The following NOX5 variants were observed in gnomAD, a reference collection of about 807,000 sequenced individuals.
NOX5 encodes the protein NADPH oxidase, EF-hand calcium binding domain 5.
NOX5 carries 76 observed loss-of-function variants against 85.7 expected under a neutral mutation model. The observed-to-expected ratio is 0.89, with a 90% CI of 0.74 to 1.07. The LOEUF (loss-of-function observed/expected upper bound fraction) is 1.07. Ranked by LOEUF, NOX5 falls within the 50% of genes least tolerant of loss-of-function variation. The pLI is 0.00. For synonymous variants in NOX5, 405 were observed against 401.4 expected (o/e 1.01, Z -0.11); for missense variants, 973 against 999.5 (o/e 0.97, Z 0.36).
chr15:69,034,226 T>G (rs1345422340), intron 5 of NOX5, among the ~76,000 whole-genome samples: 1 of 152,156 alleles, frequency 6.6e-6, no homozygotes. Flanking sequence ...TTATTATTTT[T>G]AATTATTAAT....
chr15:69,020,219 C>T (rs1292716721), intron 1 of NOX5, among the ~76,000 whole-genome samples: 1 of 152,188 alleles, frequency 6.6e-6, no homozygotes, highest in African/African-American at 2.4e-5. Flanking sequence ...ACCATTCCAT[C>T]ATGCTTATTG....
rs886761764 is a variant in NOX5 at position 69,051,013 on chromosome 15, G to GA, written c.1999+1958dup. Among the ~76,000 whole-genome samples the GA allele has an allele frequency of 4.1e-4, 63 of 152,322 alleles. 1 individual carries two copies. Among genetic ancestry groups the GA allele is most frequent in the Admixed American group, 4.1e-3 (63 of 15,304 alleles). ...TTAATGCTCAGCCAGAGACTTAGGA[G>GA]AAACTATGCAGATTTTCAGAGCAAG... is the stretch of plus-strand genomic sequence containing the variant. On this transcript the variant is annotated intron_variant, in intron 14 of 15. Coordinates refer to ENST00000388866, the MANE Select transcript of NOX5 (RefSeq NM_024505.4).
chr15:69,033,089 C>CG lies in NOX5; in HGVS notation c.669dup (p.Pro224AlafsTer173). 6.4e-7 allele frequency: 1 copy of CG among 1,556,876 alleles called. No individual in the cohort carries two copies. Among genetic ancestry groups the CG allele is most frequent in the Non-Finnish European group, 8.6e-7 (1 of 1,159,760 alleles). ...CCCCGCCCCCCGCCCACGCCCGCGC[C>CG]GGCCGCGCCAGCTGACCCGCGCCTA... On this transcript the variant is annotated frameshift_variant, in exon 5 of 16. Transcript: ENST00000388866. LOFTEE classifies it high-confidence loss of function.
intron 14 of NOX5, 39 bp from the exon 15 acceptor site, chr15:69,055,295 A>G (rs1190885938): frequency 6.2e-7 from 1 of 1,607,890 alleles, no homozygotes; most frequent in Admixed American, 1.7e-5. Flanking sequence ...CATGATGGGT[A>G]CTAGACCCTC....
chr15:69,036,920 C>G (rs2050523646), intron 7 of NOX5, 108 bp from the exon 8 acceptor site: 2 of 868,250 alleles, frequency 2.3e-6, no homozygotes, highest in South Asian at 1.6e-5. Flanking sequence ...GGGAGAGAGT[C>G]AAGGCTCTGA....
At chr15:69,043,583 A>G (rs976745112) in intron 10 of NOX5, 26 of 152,188 alleles carry the variant, frequency 1.7e-4, no homozygotes, top group African/African-American at 5.8e-4. Flanking sequence ...AGACCAGAGG[A>G]CCTTTCCAGG....
intron 9 of NOX5, among the ~76,000 whole-genome samples, chr15:69,041,737 C>A (rs2050596504): frequency 1.3e-5 from 2 of 152,212 alleles, no homozygotes; most frequent in South Asian, 4.1e-4. Context: ...TGTAATTTCT[C>A]TGTATATTAC....
At chr15:69,023,094 G>A in intron 1 of NOX5, 1 of 421,830 alleles carries the variant, frequency 2.4e-6, no homozygotes, top group Non-Finnish European at 4.6e-6. Flanking sequence ...TAACCCTGCA[G>A]ACTTCTTCCT....
At chr15:69,049,755 T>C (rs2050724236) in intron 14 of NOX5, among the ~76,000 whole-genome samples, 1 of 152,210 alleles carries the variant, frequency 6.6e-6, no homozygotes, top group Non-Finnish European at 1.5e-5. Context: ...AGAGTCAGGC[T>C]CAGGGATGTA....
intron 13 of NOX5, 51 bp from the exon 14 acceptor site, chr15:69,048,908 C>T (rs1354802157): frequency 1.4e-6 from 2 of 1,394,470 alleles, no homozygotes; most frequent in Non-Finnish European, 1.0e-6. Context: ...ATGTGAGCCT[C>T]CTGCAAATCA....
intron 2 of NOX5, 95 bp from the exon 3 acceptor site, chr15:69,028,120 C>A (rs532470458): frequency 2.2e-6 from 3 of 1,365,690 alleles, no homozygotes; most frequent in South Asian, 2.9e-5. Flanking sequence ...GTGCACCCCC[C>A]CACCACCACC....
chr15:69,027,864 C>G (rs1433499897), intron 2 of NOX5, among the ~76,000 whole-genome samples: 1 of 152,094 alleles, frequency 6.6e-6, no homozygotes, highest in Non-Finnish European at 1.5e-5. Context: ...GCAGGAGGAC[C>G]CTCTGTCTGA....
intron 14 of NOX5, among the ~76,000 whole-genome samples, chr15:69,053,014 A>G (rs2050768795): frequency 6.6e-6 from 1 of 152,214 alleles, no homozygotes. Flanking sequence ...GCATTCTCAA[A>G]GCCACTCGAG....
intron 3 of NOX5, 124 bp from the exon 4 acceptor site, chr15:69,031,394 A>G: frequency 1.8e-6 from 2 of 1,116,826 alleles, no homozygotes; most frequent in Non-Finnish European, 2.5e-6. Context: ...AGTCGGGAAC[A>G]TGGAAGGTTT....
At chr15:69,034,632 C>T (rs1181310854) in intron 5 of NOX5, among the ~76,000 whole-genome samples, 2 of 152,214 alleles carry the variant, frequency 1.3e-5, no homozygotes, top group East Asian at 1.9e-4. Flanking sequence ...AATGAGAGAA[C>T]CCTGGTTAAC....
chr15:69,038,794 T>A, intron 8 of NOX5, 63 bp from the exon 9 acceptor site: 1 of 1,613,308 alleles, frequency 6.2e-7, no homozygotes, highest in Non-Finnish European at 8.5e-7. Flanking sequence ...TGCCCTCTTG[T>A]CCTGTAGCCC....
In NOX5 at chr15:69,049,058, G is replaced by T. The variant is rs772649181; in HGVS notation, c.1999G>T (p.Gly667Cys). Residue 667 changes from glycine to cysteine, a missense_variant and splice_region_variant, in exon 14 of 16, where the codon GGC becomes TGC. By Grantham distance (159) the Gly-to-Cys change is radical. Coordinates refer to ENST00000388866, the MANE Select transcript of NOX5 (RefSeq NM_024505.4). ...EMDQAEEAQY[G>C]RFLELHMYMT... is the part of the protein sequence containing the mutation. ...GGACCAGGCCGAGGAGGCTCAATAC[G>T]GTAAGAGAGGGACAGGGCCTGAGGG... 6.2e-7 allele frequency: 1 copy of T among 1,607,458 alleles called. No individual in the cohort carries two copies. The highest frequency in any genetic ancestry group is 1.1e-5 in the South Asian group (1 of 89,396).
In NOX5 at chr15:69,042,669, TCTG is replaced by T; in HGVS notation, c.1512_1514del (p.Ile504_Trp505delinsMet). On this transcript the variant is annotated inframe_deletion, in exon 10 of 16. Transcript: ENST00000388866. ...CCACTCTTCTCTTTCTCAGACACTATCTGGCTGCACATTCGGTCCCAAGGCCAG... is the reference window on the plus strand; with the variant it reads ...CCACTCTTCTCTTTCTCAGACACTATGCTGCACATTCGGTCCCAAGGCCAG... 6.2e-7 allele frequency: 1 copy of T among 1,613,300 alleles called. No individual in the cohort carries two copies. The highest frequency in any genetic ancestry group is 8.5e-7 in the Non-Finnish European group (1 of 1,179,878).
intron 3 of NOX5, chr15:69,030,751 A>T (rs1375173454): frequency 1.3e-5 from 2 of 152,192 alleles, no homozygotes; most frequent in Non-Finnish European, 2.9e-5. Flanking sequence ...TGTATATGCA[A>T]TTTCCTTCTC....
Sources: allele counts gnomAD v4.1 joint callset (sites outside exome capture counted in the v4.1 genomes callset), GRCh38; gene constraint gnomAD v4.1.1; transcripts MANE v1.5; gene names NCBI Gene and HGNC (gene_info 2026-07-23, HGNC 2026-07-21).